Variants in TRAPPC9 observed in about 807,000 individuals in gnomAD.
TRAPPC9 encodes trafficking protein particle complex subunit 9.
TRAPPC9 carries 83 observed loss-of-function variants against 124.0 expected under a neutral mutation model. The observed-to-expected ratio is 0.67, with a 90% CI of 0.56 to 0.80. TRAPPC9 has a LOEUF of 0.80. TRAPPC9 is among the 30% of genes least tolerant of loss of function. TRAPPC9 has a pLI of 0.00. For synonymous variants in TRAPPC9, 638 were observed against 617.5 expected, an observed-to-expected ratio of 1.03 and a Z score of -0.49; for missense variants, 1,302 against 1,508.3, an observed-to-expected ratio of 0.86 and a Z score of 2.27.
At chr8:140,179,378 C>A (rs577022155) in intron 17 of TRAPPC9, among the ~76,000 whole-genome samples, 1 of 152,064 alleles carries the variant, frequency 6.6e-6, no homozygotes, top group African/African-American at 2.4e-5. Context: ...ATATTTGGGG[C>A]TTACCAATGT....
At chr8:140,098,239 A>C (rs2060492162) in intron 17 of TRAPPC9, 1 of 151,842 alleles carries the variant, frequency 6.6e-6, no homozygotes, top group Non-Finnish European at 1.5e-5. Context: ...CCTAGATCTC[A>C]GCGCGAGGCT....
At chr8:140,008,254 G>A (rs1040613212) in intron 18 of TRAPPC9, among the ~76,000 whole-genome samples, 4 of 152,248 alleles carry the variant, frequency 2.6e-5, no homozygotes, top group Non-Finnish European at 5.9e-5. Flanking sequence ...GCAGGGTGCT[G>A]CGTGGAGCCT....
intron 17 of TRAPPC9, among the ~76,000 whole-genome samples, chr8:140,167,276 C>T (rs559265677): frequency 7.2e-5 from 11 of 152,094 alleles, no homozygotes; most frequent in Non-Finnish European, 1.5e-4. Context: ...AGGACACTGA[C>T]AATTAGGTAA....
chr8:140,016,871 A>C (rs1468076336), intron 18 of TRAPPC9, among the ~76,000 whole-genome samples: 1 of 152,102 alleles, frequency 6.6e-6, no homozygotes, highest in East Asian at 1.9e-4. Context: ...TGCCTGACTG[A>C]TTTTCTAAAG....
chr8:139,827,872 T>C (rs902599643), intron 21 of TRAPPC9, among the ~76,000 whole-genome samples: 1 of 152,258 alleles, frequency 6.6e-6, no homozygotes, highest in East Asian at 1.9e-4. Context: ...CTTTTACTCA[T>C]GGCAGAAGGC....
In TRAPPC9 at chr8:139,960,852, G is replaced by T; in HGVS notation, c.2810+27874C>A. Reference sequence around the variant, plus strand: ...AGCTTGCATGGGGGCTCCACAGCAAGTCACAATCTGTTCCCAGTGGTGCCC... The same window carrying T: ...AGCTTGCATGGGGGCTCCACAGCAATTCACAATCTGTTCCCAGTGGTGCCC... On this transcript the variant is annotated intron_variant, in intron 19 of 22. Coordinates refer to ENST00000438773, the MANE Select transcript of TRAPPC9 (RefSeq NM_001160372.4). 1.6e-5 allele frequency among the ~76,000 whole-genome samples: 2 copies of T among 125,228 alleles called. 1 individual carries two copies. The highest frequency in any genetic ancestry group is 3.8e-5 in the Non-Finnish European group (2 of 52,338). 82.2% of individuals were successfully genotyped at this position (125,228 alleles called of 152,430 possible). A position where few individuals can be genotyped will look rare whatever the true frequency, so the allele number is the denominator to read the frequency against.
At chr8:140,428,808 G>C (rs2070521029) in intron 4 of TRAPPC9, among the ~76,000 whole-genome samples, 1 of 152,102 alleles carries the variant, frequency 6.6e-6, no homozygotes, top group African/African-American at 2.4e-5. Flanking sequence ...TGAATTTGAT[G>C]GACTAAAGTT....
chr8:140,218,777 T>C (rs1007723056), intron 17 of TRAPPC9, among the ~76,000 whole-genome samples: 1 of 151,900 alleles, frequency 6.6e-6, no homozygotes, highest in South Asian at 2.1e-4. Flanking sequence ...CTGGTCAACA[T>C]GGTGAAACCC....
chr8:140,292,119 T>C lies in TRAPPC9; in HGVS notation c.1769-1041A>G, dbSNP rs149202810. Reference sequence around the variant, plus strand: ...AAAGCAACAGAAAGCTAATTCAGCATCTGTCCCAATTTCCATCACCCCCTC... The same window carrying C: ...AAAGCAACAGAAAGCTAATTCAGCACCTGTCCCAATTTCCATCACCCCCTC... On this transcript the variant is annotated intron_variant, in intron 11 of 22. Coordinates refer to ENST00000438773, the MANE Select transcript of TRAPPC9 (RefSeq NM_001160372.4). Among the ~76,000 whole-genome samples, 320 of 152,328 alleles carry C rather than the reference T, an allele frequency of 2.1e-3. 2 individuals carry two copies. In the Middle Eastern group the frequency reaches 0.044, roughly 21 times the overall value.
At chr8:140,147,021 C>CA in intron 17 of TRAPPC9, among the ~76,000 whole-genome samples, 1 of 152,290 alleles carries the variant, frequency 6.6e-6, no homozygotes, top group South Asian at 2.1e-4. Context: ...TGGCTTGGTG[C>CA]AAAAGTAACT....
At chr8:140,083,637 G>A (rs1057251403) in intron 17 of TRAPPC9, among the ~76,000 whole-genome samples, 2 of 150,132 alleles carry the variant, frequency 1.3e-5, no homozygotes, top group African/African-American at 4.9e-5. Flanking sequence ...CCACAGAAGG[G>A]TTTGGTGTTT....
chr8:139,760,590 C>T (rs1454362207), intron 21 of TRAPPC9, among the ~76,000 whole-genome samples: 2 of 152,224 alleles, frequency 1.3e-5, no homozygotes, highest in African/African-American at 4.8e-5. Context: ...CCTACGAAGT[C>T]GGTTTATCCA....
chr8:139,780,686 A>G (rs1821751102), intron 21 of TRAPPC9, among the ~76,000 whole-genome samples: 1 of 152,194 alleles, frequency 6.6e-6, no homozygotes, highest in Non-Finnish European at 1.5e-5. Context: ...GCTGGACTTC[A>G]TTACAATTTA....
intron 21 of TRAPPC9, among the ~76,000 whole-genome samples, chr8:139,790,596 G>A (rs1422324254): frequency 1.3e-5 from 2 of 152,196 alleles, no homozygotes; most frequent in Non-Finnish European, 2.9e-5. Flanking sequence ...ATTGCTGGTT[G>A]TCACATCTGG....
At chr8:139,882,333 C>G (rs371578772) in intron 21 of TRAPPC9, among the ~76,000 whole-genome samples, 1 of 152,096 alleles carries the variant, frequency 6.6e-6, no homozygotes, top group Non-Finnish European at 1.5e-5. Flanking sequence ...GCCTCCCTGA[C>G]GCAGCACGTG....
At chr8:140,296,500 A>G (rs1055614391) in intron 11 of TRAPPC9, among the ~76,000 whole-genome samples, 3 of 152,202 alleles carry the variant, frequency 2.0e-5, no homozygotes, top group African/African-American at 7.2e-5. Flanking sequence ...TCCTGGGCTC[A>G]AGCAATCCAC....
intron 17 of TRAPPC9, among the ~76,000 whole-genome samples, chr8:140,201,686 G>C (rs1043155572): frequency 1.3e-5 from 2 of 152,178 alleles, no homozygotes; most frequent in Non-Finnish European, 2.9e-5. Context: ...CATACTCTGA[G>C]TCATTTTGAT....
In TRAPPC9 at chr8:140,139,663, A is replaced by C. The variant is rs555869430; in HGVS notation, c.2556+81796T>G. ...TGAGGAAAAGCCAGATACAAAAAAA[A>C]AGTACTCATCGTACAAAGCCATTTA... On this transcript the variant is annotated intron_variant, in intron 17 of 22. Transcript: ENST00000438773. 2.0e-5 allele frequency among the ~76,000 whole-genome samples: 3 copies of C among 152,330 alleles called. No individual in the cohort carries two copies. The South Asian group carries it at 6.2e-4, about 32-fold the overall frequency.
upstream of TRAPPC9, chr8:140,458,256 G>T (rs1485963143): frequency 4.5e-6 from 7 of 1,551,602 alleles, no homozygotes; most frequent in Middle Eastern, 1.7e-4. Flanking sequence ...CTGGAAGGAG[G>T]CCCAGTTCTG....
Sources: allele counts gnomAD v4.1 joint callset (sites outside exome capture counted in the v4.1 genomes callset), GRCh38; gene constraint gnomAD v4.1.1; transcripts MANE v1.5; gene names NCBI Gene and HGNC (gene_info 2026-07-23, HGNC 2026-07-21).